STRIP1: variants seen among roughly 807,000 people sequenced by gnomAD.
STRIP1 encodes the protein striatin interacting protein 1, also known as striatin-interacting protein 1.
A neutral mutation model predicts 106.2 loss-of-function variants in STRIP1; 63 were observed. The observed-to-expected ratio is 0.59, with a 90% CI of 0.48 to 0.73. The LOEUF (loss-of-function observed/expected upper bound fraction) is 0.73. STRIP1 is among the 30% of genes least tolerant of loss of function. The pLI is 0.00. For synonymous variants in STRIP1, 390 were observed against 413.0 expected (o/e 0.94, Z 0.67); for missense variants, 857 against 1,074.8 (o/e 0.80, Z 2.83).
intron 5 of STRIP1, 160 bp downstream of exon 5, chr1:110,039,675 T>TA: frequency 9.6e-7 from 1 of 1,039,564 alleles, no homozygotes; most frequent in South Asian, 1.5e-5. Context: ...GTTGGTCACT[T>TA]ACACCTTGAA....
At chr1:110,042,959 C>A in intron 8 of STRIP1, 129 bp from the exon 9 acceptor site, 1 of 839,974 alleles carries the variant, frequency 1.2e-6, no homozygotes, top group Non-Finnish European at 1.8e-6. Context: ...GTCCATTGTT[C>A]AGGAGTTGCC....
In STRIP1 at chr1:110,040,651, A is replaced by T. The variant is rs765911738; in HGVS notation, c.598A>T (p.Ser200Cys). 1 of 1,612,304 alleles carries T rather than the reference A, an allele frequency of 6.2e-7. No homozygotes were observed. Among genetic ancestry groups the T allele is most frequent in the East Asian group, 2.2e-5 (1 of 44,820 alleles). ...NMEIDNSAAC[S>C]SAVRKPAISL... The stretch of plus-strand genomic sequence containing the variant: ...CTCCTGCAGCAACAGTGCCGCCTGC[A>T]GCAGTGCTGTGAGGAAGCCTGCCAT... Residue 200 changes from serine (S) to cysteine (C), a missense_variant, in exon 6 of 21, where the codon AGC (serine) becomes TGC (cysteine). Transcript: ENST00000369795.
chr1:110,046,123 G>T (rs935711648), intron 12 of STRIP1, among the ~76,000 whole-genome samples: 4 of 152,148 alleles, frequency 2.6e-5, no homozygotes, highest in Non-Finnish European at 5.9e-5. Context: ...TATCTGAAAG[G>T]CCATTTCCCT....
At chr1:110,050,929 C>T (rs1412755859) in intron 18 of STRIP1, 27 bp from the exon 19 acceptor site, 1 of 1,340,024 alleles carries the variant, frequency 7.5e-7, no homozygotes, top group Non-Finnish European at 1.1e-6. Flanking sequence ...GCCATGAGGG[C>T]TGATTGTTCC....
intron 16 of STRIP1, 26 bp from the exon 17 acceptor site, chr1:110,049,426 CTTTTTTTT>C: frequency 1.5e-6 from 2 of 1,320,610 alleles, no homozygotes; most frequent in Non-Finnish European, 2.1e-6. Flanking sequence ...AGGGCCGCGC[CTTTTTTTT>C]TTTTTTTTTT....
chr1:110,034,366 G>A (rs955328622), upstream of STRIP1, among the ~76,000 whole-genome samples: 1 of 152,238 alleles, frequency 6.6e-6, no homozygotes, highest in Non-Finnish European at 1.5e-5. Context: ...TTAGAGGAAG[G>A]AGGGGTAACT....
At chr1:110,049,308 A>G (rs1653177818) in intron 16 of STRIP1, 70 bp downstream of exon 16, 1 of 1,608,016 alleles carries the variant, frequency 6.2e-7, no homozygotes, top group African/African-American at 1.3e-5. Flanking sequence ...CCAGCCCACA[A>G]GAACGGGGGC....
intron 20 of STRIP1, among the ~76,000 whole-genome samples, chr1:110,053,207 T>C (rs757281882): frequency 4.6e-5 from 7 of 152,184 alleles, no homozygotes; most frequent in Non-Finnish European, 1.0e-4. Context: ...TGTGTGTGCG[T>C]GTTGCTGCGT....
intron 17 of STRIP1, 39 bp downstream of exon 17, chr1:110,049,599 C>A: frequency 1.4e-6 from 2 of 1,436,484 alleles, no homozygotes; most frequent in South Asian, 1.2e-5. Context: ...TGGATATGGT[C>A]AGACGGCAGA....
At chr1:110,042,921 C>T in intron 8 of STRIP1, 167 bp from the exon 9 acceptor site, 1 of 617,498 alleles carries the variant, frequency 1.6e-6, no homozygotes, top group Non-Finnish European at 2.8e-6. Flanking sequence ...TTGCGGATGT[C>T]ACGGAATTCT....
chr1:110,046,710 G>A lies in STRIP1; in HGVS notation c.1447G>A (p.Ala483Thr). The change falls in exon 13 of 21, where the codon GCA becomes ACA. Residue 483 changes from alanine to threonine, a missense_variant. Coordinates refer to ENST00000369795, the MANE Select transcript of STRIP1 (RefSeq NM_033088.4). The stretch of plus-strand genomic sequence containing the variant: ...GTACACGTCGATTGCAGAGGTCCAG[G>A]CACAGATGGAGGAGGAATACCTCCG... ...HKYTSIAEVQAQMEEEYLRSP... is the reference protein window; with the variant it reads ...HKYTSIAEVQTQMEEEYLRSP... 6.2e-7 allele frequency: 1 copy of A among 1,613,456 alleles called. No homozygotes were observed.
rs750460487 is a variant in STRIP1 at position 110,040,693 on chromosome 1, A to G, written c.640A>G (p.Thr214Ala). 1.2e-6 allele frequency: 2 copies of G among 1,611,450 alleles called. No individual in the cohort carries two copies. The highest frequency in any genetic ancestry group is 3.3e-5 in the Admixed American group (2 of 59,788). Residue 214 changes from threonine to alanine, a missense_variant, in exon 6 of 21, where the codon ACA becomes GCA. Transcript: ENST00000369795. ...GCCTGCCATCTCCCTGGCTGACAGC[A>G]CAGACCTCAGGTGAGGCGAGCAGCA... Reference protein sequence around the residue: ...RKPAISLADSTDLRVLLNIMY... With the variant: ...RKPAISLADSADLRVLLNIMY...
At chr1:110,035,996 T>G (rs1413249580) in intron 1 of STRIP1, among the ~76,000 whole-genome samples, 1 of 152,226 alleles carries the variant, frequency 6.6e-6, no homozygotes, top group Non-Finnish European at 1.5e-5. Flanking sequence ...TGTTAACTAC[T>G]CAGTTTTTCA....
At chr1:110,039,640 C>T (rs1652661608) in intron 5 of STRIP1, 125 bp downstream of exon 5, 1 of 1,213,216 alleles carries the variant, frequency 8.2e-7, no homozygotes, top group East Asian at 2.6e-5. Flanking sequence ...AGGCTGTGTT[C>T]TGACCACCTG....
Position 110,053,994 on chromosome 1 carries a change from G to T in STRIP1, c.*82G>T. On this transcript the variant is annotated 3_prime_UTR_variant, in exon 21 of 21. Coordinates refer to ENST00000369795, the MANE Select transcript of STRIP1 (RefSeq NM_033088.4). Reference sequence around the variant, plus strand: ...GACTGTCCTAGTTCATTGCTGCAGTGCTCCCATCCCCCACCAGGTGGCAGC... The same window carrying T: ...GACTGTCCTAGTTCATTGCTGCAGTTCTCCCATCCCCCACCAGGTGGCAGC... 6.5e-7 allele frequency: 1 copy of T among 1,532,556 alleles called. No individual in the cohort carries two copies. 94.9% of individuals were successfully genotyped at this position (1,532,556 alleles called of 1,614,324 possible). A position where few individuals can be genotyped will look rare whatever the true frequency, so the allele number is the denominator to read the frequency against.
At chr1:110,049,048 T>C (rs1206031486) in intron 15 of STRIP1, 64 bp from the exon 16 acceptor site, 9 of 1,603,602 alleles carry the variant, frequency 5.6e-6, no homozygotes, top group Non-Finnish European at 7.7e-6. Context: ...CCATCTTTTC[T>C]GTGGGCACCT....
At chr1:110,041,498 C>G in intron 6 of STRIP1, 38 bp from the exon 7 acceptor site, 1 of 1,527,832 alleles carries the variant, frequency 6.5e-7, no homozygotes, top group Non-Finnish European at 9.1e-7. Flanking sequence ...CTTTGACCCC[C>G]CCATCCCACT....
rs559593377 is a variant in STRIP1 at position 110,038,923 on chromosome 1, C to T, written c.325+166C>T. ...CATGTAGAGTGGGCTTGTGGCACAT[C>T]GGTGGGGGCTTTTCAGAATGTGCAT... On this transcript the variant is annotated intron_variant, in intron 3 of 20. Transcript: ENST00000369795. Among the ~76,000 whole-genome samples, 19 of 151,912 alleles carry T rather than the reference C, an allele frequency of 1.3e-4. 1 individual carries two copies. Among genetic ancestry groups the T allele is most frequent in the Non-Finnish European group, 1.8e-4 (12 of 67,972 alleles).
chr1:110,038,007 T>G, intron 2 of STRIP1, 47 bp downstream of exon 2: 1 of 1,228,440 alleles, frequency 8.1e-7, no homozygotes, highest in Non-Finnish European at 1.2e-6. Flanking sequence ...TTTTCCTTAT[T>G]GGTCTTTAAT....
Sources: allele counts gnomAD v4.1 joint callset (sites outside exome capture counted in the v4.1 genomes callset), GRCh38; gene constraint gnomAD v4.1.1; transcripts MANE v1.5; gene names NCBI Gene and HGNC (gene_info 2026-07-23, HGNC 2026-07-21).